Variants in OR3A3 observed in about 807,000 individuals in gnomAD.
OR3A3 encodes olfactory receptor 3A3.
For missense variants in OR3A3, 275 were observed against 391.4 expected, an observed-to-expected ratio of 0.70 and a Z score of 2.51; for synonymous variants, 103 against 163.9, an observed-to-expected ratio of 0.63 and a Z score of 2.84.
chr17:3,422,389 T>C (rs117739693), exon 3 of OR3A3: 2 of 152,334 alleles, frequency 1.3e-5, no homozygotes, highest in East Asian at 3.9e-4. Flanking sequence ...CTGACACATA[T>C]GATACTTTTT....
At chr17:3,411,526 G>C (rs1350709231) in intron 1 of OR3A3, 42 bp downstream of exon 1, 1 of 152,646 alleles carries the variant, frequency 6.6e-6, no homozygotes, top group Non-Finnish European at 1.5e-5. Context: ...AAAATTAGCT[G>C]GGTGTGGAGG....
chr17:3,421,404 G>C, exon 3 of OR3A3: 1 of 1,613,872 alleles, frequency 6.2e-7, no homozygotes, highest in African/African-American at 1.3e-5. Context: ...CTTCAGACAA[G>C]GATAAGGGGG....
chr17:3,419,402 CTA>C (rs1300317619), intron 2 of OR3A3, among the ~76,000 whole-genome samples: 1 of 152,162 alleles, frequency 6.6e-6, no homozygotes, highest in South Asian at 2.1e-4. Flanking sequence ...GTCTCTGATT[CTA>C]TGACATTGAC....
exon 3 of OR3A3, chr17:3,420,994 A>G (rs1337135358): frequency 1.2e-6 from 2 of 1,613,080 alleles, no homozygotes; most frequent in South Asian, 1.1e-5. Context: ...CACCTACAGC[A>G]CCCGCATGAG....
exon 3 of OR3A3, chr17:3,421,662 C>A: frequency 9.9e-7 from 1 of 1,010,096 alleles, no homozygotes; most frequent in Non-Finnish European, 1.4e-6. Context: ...TGTGTTTGGC[C>A]TACAAGGAAA....
chr17:3,421,383 T>C (rs1597376746), exon 3 of OR3A3: 1 of 1,614,116 alleles, frequency 6.2e-7, no homozygotes, highest in Non-Finnish European at 8.5e-7. Flanking sequence ...TGAGGCTGGG[T>C]TCAGTGGAAT....
exon 3 of OR3A3, chr17:3,421,354 A>G (rs2072433522): frequency 6.2e-7 from 1 of 1,614,018 alleles, no homozygotes; most frequent in Admixed American, 1.7e-5. Context: ...CTTCTATGGG[A>G]CAGGTGTCTT....
At chr17:3,415,820 ATTAT>A (rs2072388080) in intron 2 of OR3A3, among the ~76,000 whole-genome samples, 1 of 144,792 alleles carries the variant, frequency 6.9e-6, no homozygotes, top group Non-Finnish European at 1.5e-5. Context: ...TATTATTATT[ATTAT>A]TATTATTATT....
At chr17:3,420,481 G>T in intron 2 of OR3A3, 99 bp from the exon 3 acceptor site, 1 of 1,543,922 alleles carries the variant, frequency 6.5e-7, no homozygotes, top group Non-Finnish European at 8.7e-7. Flanking sequence ...GTGAGGGATG[G>T]CCTGGGGACT....
intron 2 of OR3A3, among the ~76,000 whole-genome samples, chr17:3,416,946 A>G (rs1210573898): frequency 6.6e-6 from 1 of 152,022 alleles, no homozygotes; most frequent in Non-Finnish European, 1.5e-5. Flanking sequence ...GTATTTTTGT[A>G]CCCATTAACC....
intron 2 of OR3A3, among the ~76,000 whole-genome samples, chr17:3,413,834 A>AAAAC (rs1310086924): frequency 6.9e-6 from 1 of 144,676 alleles, no homozygotes; most frequent in African/African-American, 2.7e-5. Flanking sequence ...AAAAAACAAA[A>AAAAC]AAACAAAAAA....
At chr17:3,413,121 A>G (rs1300004387) in intron 2 of OR3A3, among the ~76,000 whole-genome samples, 5 of 152,262 alleles carry the variant, frequency 3.3e-5, no homozygotes, top group African/African-American at 9.6e-5. Flanking sequence ...GATATGTTCT[A>G]TAGAGCAATG....
chr17:3,414,847 G>A (rs1180543890), intron 2 of OR3A3, among the ~76,000 whole-genome samples: 3 of 152,032 alleles, frequency 2.0e-5, no homozygotes, highest in Admixed American at 6.5e-5. Flanking sequence ...TTTACAAGTC[G>A]TAGCCACTGA....
chr17:3,421,405 G>T, exon 3 of OR3A3: 3 of 1,613,886 alleles, frequency 1.9e-6, no homozygotes, highest in Non-Finnish European at 2.5e-6. Context: ...TTCAGACAAG[G>T]ATAAGGGGGT....
exon 3 of OR3A3, chr17:3,423,524 A>G (rs1488011291): frequency 3.9e-5 from 6 of 152,240 alleles, no homozygotes; most frequent in African/African-American, 1.2e-4. Context: ...TAAATGTTTC[A>G]GAAATATTAT....
At chr17:3,412,552 G>A (rs2072368177) in intron 2 of OR3A3, among the ~76,000 whole-genome samples, 1 of 148,552 alleles carries the variant, frequency 6.7e-6, no homozygotes, top group Non-Finnish European at 1.5e-5. Flanking sequence ...AGCCTCGAGA[G>A]TGGTCGTGCA....
chr17:3,420,646 G>C, exon 3 of OR3A3: 11 of 1,525,710 alleles, frequency 7.2e-6, no homozygotes, highest in Non-Finnish European at 9.7e-6. Context: ...ACTGGGCCTA[G>C]TGCAAACAGA....
chr17:3,419,823 T>C (rs2150681820), intron 2 of OR3A3, among the ~76,000 whole-genome samples: 1 of 140,178 alleles, frequency 7.1e-6, no homozygotes, highest in Non-Finnish European at 1.5e-5. Context: ...AAGCTCCACC[T>C]CCTGGGTTCA....
At chr17:3,421,693 TA>T in exon 3 of OR3A3, 1 of 677,322 alleles carries the variant, frequency 1.5e-6, no homozygotes, top group Non-Finnish European at 2.3e-6. Context: ...TTCATTCATT[TA>T]TTCATTCAAC....
Sources: allele counts gnomAD v4.1 joint callset (sites outside exome capture counted in the v4.1 genomes callset), GRCh38; gene constraint gnomAD v4.1.1; transcripts MANE v1.5; gene names NCBI Gene and HGNC (gene_info 2026-07-23, HGNC 2026-07-21).